The following GRAP2 variants were observed in gnomAD, a reference collection of about 807,000 sequenced individuals.
GRAP2 encodes GRB2-related adapter protein 2.
In GRAP2, 31 loss-of-function variants were observed where a neutral mutation model predicts 43.5. The observed-to-expected ratio is 0.71, with a 90% CI of 0.54 to 0.96. The LOEUF (loss-of-function observed/expected upper bound fraction) is 0.96. GRAP2 is among the 40% of genes least tolerant of loss of function. The pLI is 0.00. For missense variants in GRAP2, 371 were observed against 424.4 expected, an observed-to-expected ratio of 0.87 and a Z score of 1.11; for synonymous variants, 156 against 164.8, an observed-to-expected ratio of 0.95 and a Z score of 0.41.
intron 2 of GRAP2, among the ~76,000 whole-genome samples, chr22:39,950,851 C>G (rs955398323): frequency 6.6e-6 from 1 of 152,180 alleles, no homozygotes; most frequent in Non-Finnish European, 1.5e-5. Context: ...GCAATGTCTG[C>G]CCCCCACCTT....
intron 1 of GRAP2, among the ~76,000 whole-genome samples, chr22:39,909,140 A>G (rs2066542000): frequency 6.6e-6 from 1 of 152,204 alleles, no homozygotes; most frequent in African/African-American, 2.4e-5. Flanking sequence ...ATTTTGTGGA[A>G]TTTTTATTTT....
At chr22:39,949,108 T>C (rs1000570441) in intron 2 of GRAP2, among the ~76,000 whole-genome samples, 60 of 152,106 alleles carry the variant, frequency 3.9e-4, no homozygotes, top group Middle Eastern at 6.8e-3. Context: ...CCACATGAAC[T>C]CCAGCCCCTA....
chr22:39,928,138 T>C (rs1376280242), intron 1 of GRAP2, among the ~76,000 whole-genome samples: 2 of 152,232 alleles, frequency 1.3e-5, no homozygotes, highest in Non-Finnish European at 2.9e-5. Flanking sequence ...ATACACTTAT[T>C]TCCTTTGCTT....
At chr22:39,926,788 G>T in intron 1 of GRAP2, 20 of 984,638 alleles carry the variant, frequency 2.0e-5, no homozygotes, top group Non-Finnish European at 2.4e-5. Context: ...CAGCAGGTTC[G>T]CCCAAACAAT....
chr22:39,914,383 A>G (rs1431355565), intron 1 of GRAP2, among the ~76,000 whole-genome samples: 4 of 152,300 alleles, frequency 2.6e-5, no homozygotes, highest in African/African-American at 9.6e-5. Context: ...AATAGAGTAC[A>G]CCATCAAATG....
intron 4 of GRAP2, among the ~76,000 whole-genome samples, chr22:39,962,381 C>G (rs1329775040): frequency 6.6e-6 from 1 of 152,064 alleles, no homozygotes; most frequent in Non-Finnish European, 1.5e-5. Context: ...AGATCGATCG[C>G]ACCACTGCAC....
rs778446781 is a variant in GRAP2, at chr22:39,969,527, G to A, written c.807G>A (p.Ala269=). 2.0e-5 allele frequency: 32 copies of A among 1,613,752 alleles called. No individual in the cohort carries two copies. The highest frequency in any genetic ancestry group is 1.6e-4 in the East Asian group (7 of 44,892). The change falls in exon 7 of 8, where the codon GCG becomes GCA. Residue 269 remains alanine, a synonymous_variant. Transcript: ENST00000344138. ...ACACAGACCCAGTGCAGCTCCAGGC[G>A]GCAGGGGTATGGGAACTGTCCTTCT... ...RRHTDPVQLQ[A]AGRVRWARAL...
At chr22:39,901,776 C>T (rs1267688176) in intron 1 of GRAP2, among the ~76,000 whole-genome samples, 1 of 152,130 alleles carries the variant, frequency 6.6e-6, no homozygotes, top group Admixed American at 6.5e-5. Context: ...TAGTTCTGTT[C>T]GCATTTTTGT....
intron 1 of GRAP2, among the ~76,000 whole-genome samples, chr22:39,902,821 G>A (rs141498036): frequency 8.7e-4 from 132 of 152,270 alleles, no homozygotes; most frequent in African/African-American, 3.1e-3. Flanking sequence ...GAATAAATGA[G>A]TTAACATAGA....
Position 39,971,112 on chromosome 22 carries a change from C to T in GRAP2, c.*28C>T. ...TCTTCAGGGGACAGAAGCTTTTTGT[C>T]TGGAGCTGCCCACAAGAAAGAGGGC... On this transcript the variant is annotated 3_prime_UTR_variant, in exon 8 of 8. Transcript: ENST00000344138. 6.4e-7 allele frequency: 1 copy of T among 1,562,650 alleles called. No homozygotes were observed.
chr22:39,927,193 A>G (rs1313231389), intron 1 of GRAP2, among the ~76,000 whole-genome samples: 1 of 151,882 alleles, frequency 6.6e-6, no homozygotes, highest in South Asian at 2.1e-4. Flanking sequence ...TGCTATCCCC[A>G]CTTACCTTCT....
intron 1 of GRAP2, among the ~76,000 whole-genome samples, chr22:39,923,356 T>C (rs1021462469): frequency 6.6e-6 from 1 of 152,236 alleles, no homozygotes. Context: ...TTAAAATACT[T>C]CTTAATATAT....
At chr22:39,957,649 C>A (rs1444771045) in intron 3 of GRAP2, among the ~76,000 whole-genome samples, 1 of 152,176 alleles carries the variant, frequency 6.6e-6, no homozygotes, top group Non-Finnish European at 1.5e-5. Context: ...ACCCAGAGGC[C>A]AGGTGGGTTT....
At chr22:39,945,062 T>C (rs900555573) in intron 1 of GRAP2, among the ~76,000 whole-genome samples, 2 of 152,186 alleles carry the variant, frequency 1.3e-5, no homozygotes, top group African/African-American at 4.8e-5. Flanking sequence ...GTTAAAATGA[T>C]GGGGTGAATC....
chr22:39,965,640 A>C (rs2067164190), intron 4 of GRAP2, among the ~76,000 whole-genome samples: 1 of 152,220 alleles, frequency 6.6e-6, no homozygotes, highest in Admixed American at 6.5e-5. Flanking sequence ...CCCTGTTGAC[A>C]TCTTGCGAAT....
chr22:39,899,146 A>C (rs986943970), upstream of GRAP2, among the ~76,000 whole-genome samples: 1 of 152,216 alleles, frequency 6.6e-6, no homozygotes. Context: ...TATGCTCTAC[A>C]TAACATGTCT....
chr22:39,948,537 A>C (rs1272819623), intron 2 of GRAP2: 2 of 152,146 alleles, frequency 1.3e-5, no homozygotes, highest in African/African-American at 2.4e-5. Flanking sequence ...AAAAAAAAAA[A>C]AACTTTGCTC....
Position 39,960,352 on chromosome 22 carries a change from C to G in GRAP2, c.290+178C>G, listed in dbSNP as rs1315960101. On this transcript the variant is annotated intron_variant, in intron 4 of 7. Coordinates refer to ENST00000344138, the MANE Select transcript of GRAP2 (RefSeq NM_004810.4). ...TCCCAGTGCCTTCCCAAAACATGCACACACCACTCTTTAGAACACTGGTGT... is the reference window on the plus strand; with the variant it reads ...TCCCAGTGCCTTCCCAAAACATGCAGACACCACTCTTTAGAACACTGGTGT... 3 of 626,360 alleles carry G rather than the reference C, an allele frequency of 4.8e-6. No individual in the cohort carries two copies. In the Admixed American group the frequency reaches 8.0e-5, roughly 17 times the overall value. The allele number at this position is 626,360 out of a possible 1,614,324, so 38.8% of individuals were successfully genotyped here.
At chr22:39,897,657 T>C (rs1000629022), upstream of GRAP2, among the ~76,000 whole-genome samples, 1 of 151,956 alleles carries the variant, frequency 6.6e-6, no homozygotes, top group Non-Finnish European at 1.5e-5. Context: ...GTAGCTGGGA[T>C]TACAGGCATG....
Sources: allele counts gnomAD v4.1 joint callset (sites outside exome capture counted in the v4.1 genomes callset), GRCh38; gene constraint gnomAD v4.1.1; transcripts MANE v1.5; gene names NCBI Gene and HGNC (gene_info 2026-07-23, HGNC 2026-07-21).